Variants in FAM135A observed in about 807,000 individuals in gnomAD.
The protein encoded by FAM135A is family with sequence similarity 135 member A.
In FAM135A, 79 loss-of-function variants were observed where a neutral mutation model predicts 146.8. The observed-to-expected ratio is 0.54, with a 90% CI of 0.45 to 0.65. The LOEUF (loss-of-function observed/expected upper bound fraction) is 0.65, where lower values mean the gene tolerates loss of function less well. Among genes scored for constraint, FAM135A ranks in the 30% least tolerant of loss-of-function variants. The pLI is 0.00. For missense variants in FAM135A, 1,623 were observed against 1,758.2 expected, an observed-to-expected ratio of 0.92 and a Z score of 1.38; for synonymous variants, 562 against 603.6, an observed-to-expected ratio of 0.93 and a Z score of 1.01.
At position 70,525,816 on chromosome 6, in the gene FAM135A, A is replaced by G. The variant is rs1283821174; in HGVS notation, c.2732A>G (p.His911Arg). The G allele has an allele frequency of 6.2e-7, 1 of 1,612,722 alleles. No homozygotes were observed. Among genetic ancestry groups the G allele is most frequent in the Non-Finnish European group, 8.5e-7 (1 of 1,179,458 alleles). Residue 911 changes from histidine to arginine, a missense_variant, in exon 15 of 22, where the codon CAT becomes CGT. Coordinates refer to ENST00000418814, the MANE Select transcript of FAM135A (RefSeq NM_001162529.3). ...GNLDNETVAI[H>R]SLNSSIKDPL... ...TTGGACAATGAAACTGTAGCAATAC[A>G]TTCCTTAAATTCAAGCATTAAAGAC...
At chr6:70,546,636 ATGTAT>A (rs1167961612) in intron 20 of FAM135A, among the ~76,000 whole-genome samples, 2 of 152,216 alleles carry the variant, frequency 1.3e-5, no homozygotes, top group Non-Finnish European at 2.9e-5. Flanking sequence ...AAAATCATAA[ATGTAT>A]TGGGTGAGAA....
intron 12 of FAM135A, among the ~76,000 whole-genome samples, chr6:70,514,614 T>G (rs1791773383): frequency 6.6e-6 from 1 of 152,182 alleles, no homozygotes; most frequent in Non-Finnish European, 1.5e-5. Context: ...GTGAGTCAGA[T>G]AGCCAGTTAC....
rs191464300 is a variant in FAM135A, at chr6:70,552,345, G to A, written c.4229-4405G>A. Among the ~76,000 whole-genome samples the A allele has an allele frequency of 5.3e-3, 798 of 151,732 alleles. 1 individual carries two copies. The highest frequency in any genetic ancestry group is 8.6e-3 in the Non-Finnish European group (585 of 67,934). The stretch of plus-strand genomic sequence containing the variant: ...TATATAAACCTCAGTTAAGAAAAAT[G>A]CAAAAAAATGAGGCATGCCTGTACA... On this transcript the variant is annotated intron_variant, in intron 20 of 21. Transcript: ENST00000418814.
intron 5 of FAM135A, among the ~76,000 whole-genome samples, chr6:70,473,534 T>C (rs1478011445): frequency 6.6e-6 from 1 of 152,224 alleles, no homozygotes; most frequent in African/African-American, 2.4e-5. Flanking sequence ...TATGTGTACA[T>C]CCTTTCCCTG....
At chr6:70,503,350 TTGTTTCCTTATATACTCTGCA>T (rs1420913452) in intron 12 of FAM135A, 1 of 152,212 alleles carries the variant, frequency 6.6e-6, no homozygotes, top group Non-Finnish European at 1.5e-5. Flanking sequence ...TCTTTCCATC[TTGTTTCCTTATATACTCTGCA>T]TGCACCCTGA....
At chr6:70,544,576 C>CA (rs559511628) in intron 20 of FAM135A, among the ~76,000 whole-genome samples, 14 of 150,378 alleles carry the variant, frequency 9.3e-5, no homozygotes, top group Non-Finnish European at 1.8e-4. Context: ...CTCATCTCTA[C>CA]AAAAAAATAC....
intron 20 of FAM135A, among the ~76,000 whole-genome samples, chr6:70,553,483 A>G (rs367760194): frequency 5.5e-4 from 84 of 152,290 alleles, no homozygotes; most frequent in African/African-American, 2.0e-3. Flanking sequence ...CAGACTACTT[A>G]GCTAAATTGA....
intron 5 of FAM135A, among the ~76,000 whole-genome samples, chr6:70,467,516 ACTT>A (rs1780696827): frequency 6.6e-6 from 1 of 151,646 alleles, no homozygotes; most frequent in Admixed American, 6.6e-5. Flanking sequence ...TCTTTTTGGA[ACTT>A]CTTTTGTTTA....
At chr6:70,521,601 A>G (rs1793594283) in intron 12 of FAM135A, among the ~76,000 whole-genome samples, 1 of 152,188 alleles carries the variant, frequency 6.6e-6, no homozygotes, top group Admixed American at 6.5e-5. Context: ...ATAGGTCTCT[A>G]ATTTGTTGGA....
chr6:70,552,858 G>A (rs1351875937), intron 20 of FAM135A, among the ~76,000 whole-genome samples: 12 of 152,084 alleles, frequency 7.9e-5, no homozygotes, highest in East Asian at 1.9e-4. Context: ...TGAGAAATAC[G>A]CATTTCAGGA....
intron 11 of FAM135A, among the ~76,000 whole-genome samples, chr6:70,495,685 C>A (rs1449783486): frequency 1.3e-5 from 2 of 152,026 alleles, no homozygotes; most frequent in Non-Finnish European, 1.5e-5. Context: ...ATGTTCAGAA[C>A]TTGCAGGTTT....
At chr6:70,557,146 T>C (rs1368690015) in intron 21 of FAM135A, 3 of 507,396 alleles carry the variant, frequency 5.9e-6, no homozygotes, top group South Asian at 7.2e-5. Context: ...GGATTGACAA[T>C]TGTAGTCATC....
chr6:70,515,451 A>G (rs1791978838), intron 12 of FAM135A, among the ~76,000 whole-genome samples: 1 of 152,238 alleles, frequency 6.6e-6, no homozygotes, highest in Non-Finnish European at 1.5e-5. Flanking sequence ...TGAAGCCATG[A>G]AAAGACATAG....
At chr6:70,428,100 A>G (rs1037715490) in intron 3 of FAM135A, among the ~76,000 whole-genome samples, 2 of 152,206 alleles carry the variant, frequency 1.3e-5, no homozygotes, top group African/African-American at 4.8e-5. Context: ...TGACAGGACA[A>G]TCTTAAATTA....
At chr6:70,543,447 A>G (rs1798289087) in intron 20 of FAM135A, among the ~76,000 whole-genome samples, 2 of 152,232 alleles carry the variant, frequency 1.3e-5, no homozygotes, top group African/African-American at 4.8e-5. Context: ...TATTACATGT[A>G]CTGTCTACTA....
intron 12 of FAM135A, among the ~76,000 whole-genome samples, chr6:70,517,513 G>A (rs960113134): frequency 4.0e-5 from 6 of 150,238 alleles, no homozygotes; most frequent in East Asian, 3.9e-4. Context: ...CTGCCTCCCC[G>A]GTTCAAGCAA....
intron 4 of FAM135A, among the ~76,000 whole-genome samples, chr6:70,436,211 A>G (rs1422536313): frequency 1.3e-5 from 2 of 152,034 alleles, no homozygotes; most frequent in African/African-American, 4.8e-5. Flanking sequence ...AAGTTCAGGA[A>G]TTGAGGACTT....
rs148794818 is a variant in FAM135A, at chr6:70,435,775, G to T, written c.77+7356G>T. Among the ~76,000 whole-genome samples, 855 of 152,228 alleles carry T rather than the reference G, an allele frequency of 5.6e-3. 3 individuals are homozygous for T. The highest frequency in any genetic ancestry group is 8.2e-3 in the Non-Finnish European group (558 of 68,010). On this transcript the variant is annotated intron_variant, in intron 4 of 21. Transcript: ENST00000418814. ...GGAAGATTTGTAGTTTGATTTAAAA[G>T]GACTATCAGCTAAGAGTCAGAAATT...
chr6:70,417,277 C>CA (rs796734876), intron 2 of FAM135A, among the ~76,000 whole-genome samples: 46 of 144,452 alleles, frequency 3.2e-4, no homozygotes, highest in African/African-American at 1.2e-3. Flanking sequence ...TTTTTTTTGA[C>CA]AGAGTCCCAC....
Sources: gnomAD v4.1 joint callset for allele counts (sites outside exome capture counted in the v4.1 genomes callset) on GRCh38, gnomAD v4.1.1 for gene constraint, MANE v1.5 for transcripts, NCBI Gene and HGNC (gene_info 2026-07-23, HGNC 2026-07-21) for gene names.